The following GPC5 variants were observed in gnomAD, a reference collection of about 807,000 sequenced individuals.
The protein encoded by GPC5 is glypican-5.
GPC5 carries 47 observed loss-of-function variants against 53.9 expected under a neutral mutation model. The ratio of observed to expected loss-of-function variants is 0.87; its 90% CI spans 0.69 to 1.11. The LOEUF is 1.11. Among genes scored for constraint, GPC5 ranks in the 50% most tolerant of loss-of-function variants. GPC5 has a pLI of 0.00. For missense variants in GPC5, 748 were observed against 713.1 expected, an observed-to-expected ratio of 1.05 and a Z score of -0.56; for synonymous variants, 286 against 263.3, an observed-to-expected ratio of 1.09 and a Z score of -0.84.
intron 7 of GPC5, among the ~76,000 whole-genome samples, chr13:92,278,084 A>C (rs2042888558): frequency 6.6e-6 from 1 of 151,930 alleles, no homozygotes. Flanking sequence ...AGAAAGATTG[A>C]GAAATGCAAA....
intron 3 of GPC5, among the ~76,000 whole-genome samples, chr13:91,711,651 T>C (rs2036228893): frequency 6.6e-6 from 1 of 152,302 alleles, no homozygotes; most frequent in African/African-American, 2.4e-5. Flanking sequence ...GTTAACTGTA[T>C]TAAGTAAAGC....
intron 7 of GPC5, among the ~76,000 whole-genome samples, chr13:92,206,819 C>G (rs924194888): frequency 6.6e-6 from 1 of 152,074 alleles, no homozygotes; most frequent in Non-Finnish European, 1.5e-5. Flanking sequence ...TTAGTTCAAT[C>G]CATCATCACA....
chr13:92,435,878 A>T (rs1877285359), intron 7 of GPC5, among the ~76,000 whole-genome samples: 1 of 152,216 alleles, frequency 6.6e-6, no homozygotes, highest in South Asian at 2.1e-4. Flanking sequence ...TAAGACACTT[A>T]ATTCAACTCA....
chr13:92,348,689 A>C (rs927354569), intron 7 of GPC5, among the ~76,000 whole-genome samples: 2 of 152,160 alleles, frequency 1.3e-5, no homozygotes, highest in Non-Finnish European at 2.9e-5. Context: ...CAAAAGCCTG[A>C]GTTTTCTCAA....
chr13:92,413,844 T>G (rs1876161206), intron 7 of GPC5, among the ~76,000 whole-genome samples: 1 of 152,194 alleles, frequency 6.6e-6, no homozygotes, highest in Non-Finnish European at 1.5e-5. Flanking sequence ...AGAGATTAAA[T>G]AATAGGATGA....
intron 7 of GPC5, among the ~76,000 whole-genome samples, chr13:92,777,029 A>G (rs1875835556): frequency 4.0e-5 from 6 of 149,032 alleles, no homozygotes; most frequent in Admixed American, 1.3e-4. Flanking sequence ...CCTCAAAAAA[A>G]AAAAAAAAAA....
intron 2 of GPC5, among the ~76,000 whole-genome samples, chr13:91,629,040 A>G (rs935061686): frequency 2.6e-5 from 4 of 152,230 alleles, no homozygotes; most frequent in African/African-American, 9.6e-5. Flanking sequence ...GATAATAGAT[A>G]CGTAAAATGA....
At chr13:91,745,803 A>T (rs1177826476) in intron 4 of GPC5, among the ~76,000 whole-genome samples, 1 of 152,164 alleles carries the variant, frequency 6.6e-6, no homozygotes, top group African/African-American at 2.4e-5. Flanking sequence ...TTTATGATAA[A>T]CGTGCCATAT....
rs140035153 is a variant in GPC5 at position 91,573,385 on chromosome 13, T to G, written c.326-119802T>G. ...CTTGCTGAGAATCGATCATTTCTTG[T>G]GTAGTCATTACGCTAATTCAGAGAT... On this transcript the variant is annotated intron_variant, in intron 2 of 7. Coordinates refer to ENST00000377067, the MANE Select transcript of GPC5 (RefSeq NM_004466.6). 6.3e-3 allele frequency among the ~76,000 whole-genome samples: 962 copies of G among 152,332 alleles called. 10 individuals carry two copies. Among genetic ancestry groups the G allele is most frequent in the African/African-American group, 0.022 (927 of 41,578 alleles).
chr13:91,445,020 G>A (rs986838984), intron 1 of GPC5, among the ~76,000 whole-genome samples: 7 of 152,144 alleles, frequency 4.6e-5, no homozygotes, highest in South Asian at 2.1e-4. Flanking sequence ...AAGGACTTAC[G>A]TGCTGTGGCT....
rs191837039 is a variant in GPC5, at chr13:92,204,450, A to G, written c.1561+59461A>G. Among the ~76,000 whole-genome samples the G allele has an allele frequency of 7.9e-5, 12 of 152,322 alleles. No individual in the cohort carries two copies. In the East Asian group the frequency reaches 2.1e-3, roughly 27 times the overall value. On this transcript the variant is annotated intron_variant, in intron 7 of 7. Coordinates refer to ENST00000377067, the MANE Select transcript of GPC5 (RefSeq NM_004466.6). ...TAGCCAAACTCCAAAGTTTGATGGTACAGTCCCTCAGACTGCCGAGTCTGC... is the reference window on the plus strand; with the variant it reads ...TAGCCAAACTCCAAAGTTTGATGGTGCAGTCCCTCAGACTGCCGAGTCTGC...
intron 7 of GPC5, among the ~76,000 whole-genome samples, chr13:92,665,955 C>T (rs1211646943): frequency 6.6e-6 from 1 of 152,134 alleles, no homozygotes; most frequent in Non-Finnish European, 1.5e-5. Flanking sequence ...TTATAAAGTG[C>T]AAATGCCCTG....
chr13:91,736,421 T>C lies in GPC5; in HGVS notation c.1154+7756T>C, dbSNP rs116603572. On this transcript the variant is annotated intron_variant, in intron 4 of 7. Transcript: ENST00000377067. Reference sequence around the variant, plus strand: ...AAATTTTCGTGAAAGCTAATAATACTCAATTTTTCCACAATCTTTTTTTTG... The same window carrying C: ...AAATTTTCGTGAAAGCTAATAATACCCAATTTTTCCACAATCTTTTTTTTG... Among the ~76,000 whole-genome samples the C allele has an allele frequency of 6.8e-4, 103 of 151,504 alleles. 4 individuals are homozygous for C. Among genetic ancestry groups the C allele is most frequent in the African/African-American group, 2.4e-3 (98 of 40,842 alleles).
At chr13:92,086,188 T>A (rs2138888355) in intron 6 of GPC5, among the ~76,000 whole-genome samples, 1 of 152,320 alleles carries the variant, frequency 6.6e-6, no homozygotes, top group Middle Eastern at 3.4e-3. Flanking sequence ...CCCAAATCAA[T>A]CCTTCACCAC....
chr13:92,671,642 T>C (rs34956289), intron 7 of GPC5, among the ~76,000 whole-genome samples: 33,655 of 152,138 alleles, frequency 0.22, 4,397 homozygotes, highest in South Asian at 0.36. Context: ...AGAATTCAGA[T>C]AGATAACAAC....
intron 7 of GPC5, among the ~76,000 whole-genome samples, chr13:92,865,470 G>A (rs1182714349): frequency 1.3e-5 from 2 of 152,142 alleles, no homozygotes; most frequent in African/African-American, 4.8e-5. Context: ...TCATAAAAGG[G>A]GAAAGTAAAA....
chr13:92,020,722 T>C (rs1473185428), intron 6 of GPC5, among the ~76,000 whole-genome samples: 2 of 150,162 alleles, frequency 1.3e-5, no homozygotes, highest in African/African-American at 2.4e-5. Flanking sequence ...TCTCATAGAA[T>C]TTGAAGATTA....
At chr13:91,934,321 A>G (rs1188814068) in intron 6 of GPC5, among the ~76,000 whole-genome samples, 1 of 151,972 alleles carries the variant, frequency 6.6e-6, no homozygotes, top group Non-Finnish European at 1.5e-5. Context: ...ATTGTAAAAA[A>G]TGAGTTAAGT....
At chr13:92,300,969 A>G (rs751424976) in intron 7 of GPC5, among the ~76,000 whole-genome samples, 2 of 152,226 alleles carry the variant, frequency 1.3e-5, no homozygotes, top group Non-Finnish European at 1.5e-5. Context: ...TTTCTGGATA[A>G]TAGAATTGTC....
Sources: gnomAD v4.1 joint callset for allele counts (sites outside exome capture counted in the v4.1 genomes callset) on GRCh38, gnomAD v4.1.1 for gene constraint, MANE v1.5 for transcripts, NCBI Gene and HGNC (gene_info 2026-07-23, HGNC 2026-07-21) for gene names.